Variants in ZFAND6 observed in about 807,000 individuals in gnomAD.
ZFAND6 encodes AN1-type zinc finger protein 6.
A neutral mutation model predicts 24.5 loss-of-function variants in ZFAND6; 12 were observed. The ratio of observed to expected loss-of-function variants is 0.49; its 90% CI spans 0.31 to 0.79. ZFAND6 has a LOEUF of 0.79. Ranked by LOEUF, ZFAND6 falls within the 30% of genes least tolerant of loss-of-function variation. The pLI, the probability that ZFAND6 is intolerant of heterozygous loss-of-function variation, is 0.04. For missense variants in ZFAND6, 207 were observed against 245.9 expected, an observed-to-expected ratio of 0.84 and a Z score of 1.06; for synonymous variants, 92 against 81.5, an observed-to-expected ratio of 1.13 and a Z score of -0.69.
At chr15:80,093,965 C>T (rs2038552972) in intron 1 of ZFAND6, among the ~76,000 whole-genome samples, 1 of 152,004 alleles carries the variant, frequency 6.6e-6, no homozygotes, top group Non-Finnish European at 1.5e-5. Context: ...AGGTTTATGT[C>T]ATTTGGCACT....
chr15:80,123,286 G>A (rs749368369), intron 5 of ZFAND6, among the ~76,000 whole-genome samples: 1 of 152,094 alleles, frequency 6.6e-6, no homozygotes, highest in South Asian at 2.1e-4. Flanking sequence ...ATCGTGTCTT[G>A]CCCATGCTCT....
At chr15:80,130,128 G>A (rs898686690) in intron 5 of ZFAND6, 33 of 152,168 alleles carry the variant, frequency 2.2e-4, no homozygotes, top group African/African-American at 7.5e-4. Flanking sequence ...GCAGATGATT[G>A]GATGCAATGT....
intron 2 of ZFAND6, among the ~76,000 whole-genome samples, chr15:80,107,486 C>G (rs548736935): frequency 1.1e-4 from 17 of 152,220 alleles, no homozygotes; most frequent in Non-Finnish European, 2.1e-4. Flanking sequence ...ACTGCCAATG[C>G]AAATGTCAAC....
chr15:80,112,252 C>G (rs2039646187), intron 2 of ZFAND6, among the ~76,000 whole-genome samples: 3 of 152,144 alleles, frequency 2.0e-5, no homozygotes, highest in Non-Finnish European at 2.9e-5. Flanking sequence ...AAGAGCGAAA[C>G]TCCATCTCAA....
At chr15:80,091,188 G>A (rs796183829) in intron 1 of ZFAND6, among the ~76,000 whole-genome samples, 7 of 86,544 alleles carry the variant, frequency 8.1e-5, no homozygotes, top group Non-Finnish European at 2.0e-4. Flanking sequence ...TGTGTGTGTC[G>A]GGCACACGTG....
At chr15:80,114,392 G>A (rs189885538) in intron 2 of ZFAND6, among the ~76,000 whole-genome samples, 2 of 152,136 alleles carry the variant, frequency 1.3e-5, no homozygotes, top group African/African-American at 2.4e-5. Flanking sequence ...TGTGAAGGAC[G>A]AATGCTAGGT....
chr15:80,134,655 T>A (rs1445227295), intron 6 of ZFAND6, among the ~76,000 whole-genome samples: 1 of 151,986 alleles, frequency 6.6e-6, no homozygotes, highest in Admixed American at 6.6e-5. Context: ...GCAAGAAAGG[T>A]TGGGGGTTAA....
intron 1 of ZFAND6, among the ~76,000 whole-genome samples, chr15:80,066,898 CA>C (rs550502301): frequency 0.039 from 4,495 of 115,020 alleles, 165 homozygotes; most frequent in African/African-American, 0.11. Context: ...CTCCATCTCC[CA>C]AAAAAAAAAA....
At chr15:80,135,603 T>C (rs2142068480) in intron 6 of ZFAND6, among the ~76,000 whole-genome samples, 1 of 152,284 alleles carries the variant, frequency 6.6e-6, no homozygotes, top group South Asian at 2.1e-4. Context: ...AAGGAATGGT[T>C]TGGAGATGAA....
intron 5 of ZFAND6, chr15:80,130,160 G>C (rs2040534669): frequency 6.6e-6 from 1 of 152,168 alleles, no homozygotes; most frequent in Non-Finnish European, 1.5e-5. Flanking sequence ...ATTGTAGAGG[G>C]AACTCATGAG....
intron 1 of ZFAND6, among the ~76,000 whole-genome samples, chr15:80,086,164 A>G (rs1303053746): frequency 6.6e-6 from 1 of 151,838 alleles, no homozygotes; most frequent in Non-Finnish European, 1.5e-5. Flanking sequence ...TCAGCCTCCC[A>G]AGTAGCTGGG....
chr15:80,117,640 C>T (rs1176092039), intron 2 of ZFAND6, among the ~76,000 whole-genome samples: 3 of 152,212 alleles, frequency 2.0e-5, no homozygotes, highest in Non-Finnish European at 4.4e-5. Flanking sequence ...GCTTTTTCTT[C>T]AGTCTTCATA....
At chr15:80,095,751 C>CT (rs1452227319) in intron 1 of ZFAND6, among the ~76,000 whole-genome samples, 9 of 152,212 alleles carry the variant, frequency 5.9e-5, no homozygotes, top group African/African-American at 2.2e-4. Context: ...GTTCTGTACT[C>CT]TGTACCACGT....
At chr15:80,114,127 T>TCC (rs1240767041) in intron 2 of ZFAND6, among the ~76,000 whole-genome samples, 1 of 152,082 alleles carries the variant, frequency 6.6e-6, no homozygotes, top group Non-Finnish European at 1.5e-5. Context: ...AAGAATAGAG[T>TCC]AAGAACAGTT....
intron 1 of ZFAND6, among the ~76,000 whole-genome samples, chr15:80,065,573 T>TCTTA (rs1294549488): frequency 7.7e-6 from 1 of 130,008 alleles, no homozygotes; most frequent in Non-Finnish European, 1.6e-5. Context: ...GGAGACAGAG[T>TCTTA]CTTACTCTGT....
chr15:80,084,528 A>C (rs1458853746), intron 1 of ZFAND6, among the ~76,000 whole-genome samples: 2 of 152,222 alleles, frequency 1.3e-5, no homozygotes, highest in Non-Finnish European at 2.9e-5. Flanking sequence ...TAATGGCATA[A>C]AAGGGTTAGA....
intron 6 of ZFAND6, among the ~76,000 whole-genome samples, chr15:80,133,852 A>G (rs923465161): frequency 1.3e-5 from 2 of 152,192 alleles, no homozygotes; most frequent in South Asian, 4.1e-4. Flanking sequence ...GATAAACACC[A>G]GCTGCCAGTC....
At chr15:80,059,454 T>G (rs957284865), upstream of ZFAND6, 6 of 152,070 alleles carry the variant, frequency 3.9e-5, no homozygotes, top group Admixed American at 1.3e-4. Flanking sequence ...CGGAGGAGCA[T>G]CTCCTTTCGC....
chr15:80,063,506 C>T (rs1314501207), intron 1 of ZFAND6, among the ~76,000 whole-genome samples: 2 of 152,120 alleles, frequency 1.3e-5, no homozygotes, highest in East Asian at 3.9e-4. Flanking sequence ...ATTCTTGTTC[C>T]TCAGCCTCCC....
Sources: gnomAD v4.1 joint callset for allele counts (sites outside exome capture counted in the v4.1 genomes callset) on GRCh38, gnomAD v4.1.1 for gene constraint, MANE v1.5 for transcripts, NCBI Gene and HGNC (gene_info 2026-07-23, HGNC 2026-07-21) for gene names.